Variants in AHDC1 observed in about 807,000 individuals in gnomAD.
AHDC1 encodes transcription factor Gibbin.
In AHDC1, 7 loss-of-function variants were observed where a neutral mutation model predicts 87.9. The observed-to-expected ratio is 0.08, with a 90% CI of 0.05 to 0.15. AHDC1 has a LOEUF of 0.15. Among genes scored for constraint, AHDC1 ranks in the 10% least tolerant of loss-of-function variants. AHDC1 has a pLI of 1.00. For synonymous variants in AHDC1, 1,051 were observed against 1,006.8 expected (o/e 1.04, Z -0.83); for missense variants, 1,841 against 2,253.2 (o/e 0.82, Z 3.70).
At chr1:27,538,913 A>G (rs2018778955) in intron 8 of AHDC1, among the ~76,000 whole-genome samples, 1 of 152,132 alleles carries the variant, frequency 6.6e-6, no homozygotes, top group South Asian at 2.1e-4. Context: ...CAGGCAAACC[A>G]CAGAGGCCCA....
chr1:27,586,538 A>G (rs2089063818), intron 3 of AHDC1, among the ~76,000 whole-genome samples: 1 of 152,244 alleles, frequency 6.6e-6, no homozygotes, highest in Non-Finnish European at 1.5e-5. Context: ...GCAAAATTAA[A>G]ATAGCACAGG....
intron 3 of AHDC1, among the ~76,000 whole-genome samples, chr1:27,573,641 C>T (rs796204435): frequency 7.9e-5 from 12 of 152,226 alleles, no homozygotes; most frequent in African/African-American, 2.9e-4. Flanking sequence ...ACTTCCTATC[C>T]CAGCGCCCCA....
Position 27,565,094 on chromosome 1 carries a change from G to T in AHDC1, c.-628-6211C>A, listed in dbSNP as rs1045999955. The stretch of plus-strand genomic sequence containing the variant: ...ACAGATGGCCTGCCGAGGCAGCGGC[G>T]ATCTGGGCGGCTGGCAGGCATGCTC... On this transcript the variant is annotated intron_variant, in intron 3 of 8. Transcript: ENST00000673934. This position sits in a 1 kb window ranked among gnomAD's most constrained non-coding sequence, Gnocchi z 4.6. Among the ~76,000 whole-genome samples the T allele has an allele frequency of 6.6e-6, 1 of 152,186 alleles. No individual in the cohort carries two copies. The highest frequency in any genetic ancestry group is 1.5e-5 in the Non-Finnish European group (1 of 68,012).
intron 5 of AHDC1, among the ~76,000 whole-genome samples, chr1:27,557,125 C>G (rs1166078330): frequency 1.3e-5 from 2 of 151,382 alleles, no homozygotes; most frequent in Non-Finnish European, 3.0e-5. Context: ...CCAGAACCGC[C>G]CCCTGCCAGC....
intron 8 of AHDC1, among the ~76,000 whole-genome samples, chr1:27,536,937 C>T (rs575859582): frequency 1.3e-5 from 2 of 151,692 alleles, no homozygotes; most frequent in Non-Finnish European, 2.9e-5. Context: ...GCCCAGCAGG[C>T]GGCTCCTGCC....
chr1:27,603,284 C>G (rs1318586632), intron 3 of AHDC1, 113 bp downstream of exon 3: 1 of 152,050 alleles, frequency 6.6e-6, no homozygotes, highest in Non-Finnish European at 1.5e-5. Context: ...CCGCAGCCAC[C>G]GGGTCCAGCG....
intron 3 of AHDC1, among the ~76,000 whole-genome samples, chr1:27,572,087 G>A (rs1321314589): frequency 1.3e-5 from 2 of 152,058 alleles, no homozygotes; most frequent in African/African-American, 4.8e-5. Flanking sequence ...TGACAGGGGT[G>A]GGGGAGAAAA....
At chr1:27,576,285 G>T (rs979154755) in intron 3 of AHDC1, among the ~76,000 whole-genome samples, 1 of 152,118 alleles carries the variant, frequency 6.6e-6, no homozygotes, top group African/African-American at 2.4e-5. Flanking sequence ...CTCTCCTTGG[G>T]CAAAACGCTG....
At chr1:27,552,619 G>GCTCCTGACCTCAGATGATC (rs2019631029) in intron 7 of AHDC1, 1 of 152,596 alleles carries the variant, frequency 6.6e-6, no homozygotes, top group Admixed American at 6.5e-5. Flanking sequence ...CTGGTCTGGA[G>GCTCCTGACCTCAGATGATC]CTCCTGACCT....
intron 3 of AHDC1, among the ~76,000 whole-genome samples, chr1:27,592,795 C>T (rs1290712455): frequency 1.3e-5 from 2 of 152,158 alleles, no homozygotes; most frequent in Non-Finnish European, 2.9e-5. Context: ...AGCCGGCTGC[C>T]GGTTAACCTG....
intron 3 of AHDC1, among the ~76,000 whole-genome samples, chr1:27,574,857 C>T (rs78542455): frequency 0.011 from 1,689 of 152,324 alleles, 11 homozygotes; most frequent in Non-Finnish European, 0.018. Context: ...CATACCTACT[C>T]CTGGATTCTC....
chr1:27,579,363 T>C (rs1571314127), intron 3 of AHDC1, among the ~76,000 whole-genome samples: 1 of 152,188 alleles, frequency 6.6e-6, no homozygotes, highest in Non-Finnish European at 1.5e-5. Context: ...CAGCCTTATG[T>C]GTTAGTCTAA....
In AHDC1 at chr1:27,548,096, G is replaced by A; in HGVS notation, c.4020C>T (p.Pro1340=). The change falls in exon 8 of 9, where the codon CCC becomes CCT. Residue 1340 remains proline, a synonymous_variant. Coordinates refer to ENST00000673934, the MANE Select transcript of AHDC1 (RefSeq NM_001371928.1). ...SRAFGVGERD[P]CDFIGPYSMN... Reference sequence around the variant, plus strand: ...TGGAGTAGGGTCCTATGAAGTCACAGGGGTCTCGCTCTCCCACGCCGAAGG... The same window carrying A: ...TGGAGTAGGGTCCTATGAAGTCACAAGGGTCTCGCTCTCCCACGCCGAAGG... 1.2e-6 allele frequency: 2 copies of A among 1,613,954 alleles called. No homozygotes were observed.
Position 27,548,648 on chromosome 1 carries a change from C to G in AHDC1, c.3468G>C (p.Gln1156His). The G allele has an allele frequency of 6.2e-7, 1 of 1,613,460 alleles. No individual in the cohort carries two copies. Among genetic ancestry groups the G allele is most frequent in the Non-Finnish European group, 8.5e-7 (1 of 1,180,044 alleles). The change falls in exon 8 of 9, where the codon CAG (glutamine) becomes CAC (histidine). Residue 1156 changes from glutamine (Q) to histidine (H), a missense_variant. By Grantham distance (24) the Gln-to-His change is conservative. Coordinates refer to ENST00000673934, the MANE Select transcript of AHDC1 (RefSeq NM_001371928.1). The stretch of plus-strand genomic sequence containing the variant: ...CAGAGAAGGTCTCCGACACAGCCGT[C>G]TGCTGCTTCACCTTCTGCGGTGTGT... ...SNYTPQKVKQ[Q>H]TAVSETFSES... is the part of the protein sequence containing the mutation.
chr1:27,598,868 C>T lies in AHDC1; in HGVS notation c.-629+4529G>A, dbSNP rs2089448881. On this transcript the variant is annotated intron_variant, in intron 3 of 8. Coordinates refer to ENST00000673934, the MANE Select transcript of AHDC1 (RefSeq NM_001371928.1). The surrounding 1 kb of genome is among the most constrained non-coding windows in gnomAD (Gnocchi z 4.2). Reference sequence around the variant, plus strand: ...CATGAACGCAGAGACCAGCACCCTACCTTGCACTGGTGACAGCGCCCCCGT... The same window carrying T: ...CATGAACGCAGAGACCAGCACCCTATCTTGCACTGGTGACAGCGCCCCCGT... 6.6e-6 allele frequency among the ~76,000 whole-genome samples: 1 copy of T among 152,176 alleles called. No homozygotes were observed. Among genetic ancestry groups the T allele is most frequent in the Non-Finnish European group, 1.5e-5 (1 of 68,022 alleles).
At chr1:27,589,813 C>T (rs1406773520) in intron 3 of AHDC1, among the ~76,000 whole-genome samples, 1 of 152,188 alleles carries the variant, frequency 6.6e-6, no homozygotes, top group Non-Finnish European at 1.5e-5. Flanking sequence ...CATTCGTCTT[C>T]CTGTCCAAGG....
chr1:27,556,520 C>T (rs964737196), intron 5 of AHDC1, among the ~76,000 whole-genome samples: 1 of 151,976 alleles, frequency 6.6e-6, no homozygotes, highest in Non-Finnish European at 1.5e-5. Flanking sequence ...TCCCTTCAGC[C>T]GCCTACCTGC....
intron 8 of AHDC1, among the ~76,000 whole-genome samples, chr1:27,536,789 G>A (rs939174232): frequency 6.6e-6 from 1 of 152,004 alleles, no homozygotes; most frequent in Non-Finnish European, 1.5e-5. Context: ...ATTGTCCAAC[G>A]CCAGCCTCCC....
In AHDC1 at chr1:27,551,362, T is replaced by C. The variant is rs1489407010; in HGVS notation, c.754A>G (p.Thr252Ala). The C allele has an allele frequency of 1.2e-6, 2 of 1,613,524 alleles. No individual in the cohort carries two copies. Among genetic ancestry groups the C allele is most frequent in the African/African-American group, 1.3e-5 (1 of 74,914 alleles). The change falls in exon 8 of 9, where the codon ACT (threonine) becomes GCT (alanine). Residue 252 changes from threonine (T) to alanine (A), a missense_variant. Transcript: ENST00000673934. The stretch of plus-strand genomic sequence containing the variant: ...TCTAGCAGCTGGGCCTCTGGGCAAG[T>C]GAGGGAGGCCAGCTCACTAAGGATG... The part of the protein sequence containing the change: ...ADILSELASL[T>A]CPEAQLLEAQ...
Sources: allele counts gnomAD v4.1 joint callset (sites outside exome capture counted in the v4.1 genomes callset), GRCh38; gene constraint gnomAD v4.1.1; non-coding constraint Gnocchi (gnomAD v3.1); transcripts MANE v1.5; gene names NCBI Gene and HGNC (gene_info 2026-07-23, HGNC 2026-07-21).